Variants in DMD observed in about 807,000 individuals in gnomAD.
DMD encodes mutant dystrophin.
In DMD, 63 loss-of-function variants were observed where a neutral mutation model predicts 330.1. That is an observed-to-expected ratio of 0.19 (90% confidence interval 0.16 to 0.24). DMD has a LOEUF of 0.24. Among genes scored for constraint, DMD ranks in the 10% least tolerant of loss-of-function variants. The pLI is 1.00. For missense variants in DMD, 3,344 were observed against 2,684.1 expected, an observed-to-expected ratio of 1.25 and a Z score of -5.43; for synonymous variants, 1,223 against 959.8, an observed-to-expected ratio of 1.27 and a Z score of -5.07.
intron 55 of DMD, among the ~76,000 whole-genome samples, chrX:31,522,152 T>G (rs1379369197): frequency 9.2e-6 from 1 of 108,153 alleles, no homozygotes. Context: ...TCTTGAGGGA[T>G]GAGTAGCAGC....
intron 2 of DMD, among the ~76,000 whole-genome samples, chrX:32,940,072 C>G (rs781747323): frequency 6.5e-4 from 72 of 111,343 alleles, no homozygotes; most frequent in Non-Finnish European, 1.1e-3. Context: ...AAAAGTAATC[C>G]TAAGGAAAAA....
intron 1 of DMD, among the ~76,000 whole-genome samples, chrX:33,296,714 A>C (rs2053589686): frequency 9.0e-6 from 1 of 111,101 alleles, no homozygotes; most frequent in South Asian, 3.7e-4. Context: ...ATGTATAATA[A>C]TCAGAAATAT....
intron 55 of DMD, among the ~76,000 whole-genome samples, chrX:31,576,573 AT>A (rs970549632): frequency 9.1e-6 from 1 of 110,265 alleles, no homozygotes; most frequent in African/African-American, 3.3e-5. Context: ...CCCAAGTCTC[AT>A]TTCTTACTAG....
At chrX:32,830,318 C>T (rs1344650776) in intron 4 of DMD, among the ~76,000 whole-genome samples, 1 of 110,981 alleles carries the variant, frequency 9.0e-6, no homozygotes, top group Non-Finnish European at 1.9e-5. Flanking sequence ...AATACACATT[C>T]CAGAATTATG....
chrX:33,321,454 A>G (rs1232798135), intron 1 of DMD, among the ~76,000 whole-genome samples: 2 of 111,450 alleles, frequency 1.8e-5, no homozygotes, highest in Admixed American at 9.6e-5. Context: ...TTTTCTGAGC[A>G]CAAGGTCTCA....
intron 44 of DMD, among the ~76,000 whole-genome samples, chrX:31,972,411 A>T (rs1363180541): frequency 8.9e-6 from 1 of 111,874 alleles, no homozygotes. Context: ...ATTTTTTTAA[A>T]AGTCTATTTG....
chrX:33,139,882 A>T (rs1052940809), intron 1 of DMD, among the ~76,000 whole-genome samples: 3 of 108,233 alleles, frequency 2.8e-5, no homozygotes, highest in East Asian at 5.7e-4. Context: ...AAAAAAAAAA[A>T]AAAAAAAAAA....
intron 44 of DMD, among the ~76,000 whole-genome samples, chrX:31,996,983 T>A (rs2095591672): frequency 9.0e-6 from 1 of 111,429 alleles, no homozygotes; most frequent in South Asian, 3.7e-4. Context: ...AAACTGTATA[T>A]CTTCCATTCC....
At chrX:31,683,632 T>C (rs915477564) in intron 52 of DMD, among the ~76,000 whole-genome samples, 2 of 111,975 alleles carry the variant, frequency 1.8e-5, no homozygotes, top group African/African-American at 6.5e-5. Context: ...AACACCGGGC[T>C]GGGAATGGAC....
At chrX:31,709,821 T>G (rs2084497480) in intron 52 of DMD, among the ~76,000 whole-genome samples, 1 of 111,744 alleles carries the variant, frequency 8.9e-6, no homozygotes, top group Non-Finnish European at 1.9e-5. Flanking sequence ...GTCTATGCAC[T>G]TATCTGTATC....
intron 55 of DMD, among the ~76,000 whole-genome samples, chrX:31,521,222 G>A (rs1280612707): frequency 9.5e-6 from 1 of 105,215 alleles, no homozygotes; most frequent in African/African-American, 3.5e-5. Context: ...GCAATGGTGT[G>A]ATCTCGGCTC....
At chrX:32,067,131 G>A (rs1294894839) in intron 44 of DMD, among the ~76,000 whole-genome samples, 1 of 111,017 alleles carries the variant, frequency 9.0e-6, no homozygotes, top group Non-Finnish European at 1.9e-5. Context: ...GACAAAGAAT[G>A]TTTTTATCTT....
chrX:32,108,402 T>C (rs1002728935), intron 44 of DMD, among the ~76,000 whole-genome samples: 6 of 112,138 alleles, frequency 5.4e-5, no homozygotes, highest in African/African-American at 1.9e-4. Context: ...TTCTCATGGA[T>C]AGAATGCAAT....
At chrX:31,988,087 T>C (rs768386785) in intron 44 of DMD, among the ~76,000 whole-genome samples, 1 of 111,709 alleles carries the variant, frequency 9.0e-6, no homozygotes, top group South Asian at 3.8e-4. Context: ...TTTTGACTCC[T>C]GAAATGTTAT....
chrX:32,170,789 C>A (rs1451385757), intron 44 of DMD, among the ~76,000 whole-genome samples: 1 of 110,599 alleles, frequency 9.0e-6, no homozygotes, highest in Admixed American at 9.8e-5. Context: ...ACCAGTAACA[C>A]TCCTGCAATT....
chrX:32,140,896 C>G (rs1207535081), intron 44 of DMD, among the ~76,000 whole-genome samples: 1 of 111,127 alleles, frequency 9.0e-6, no homozygotes, highest in African/African-American at 3.3e-5. Context: ...TGGGTGGGGA[C>G]ACAGCCAAAC....
intron 44 of DMD, among the ~76,000 whole-genome samples, chrX:32,207,409 A>G (rs762252849): frequency 1.8e-5 from 2 of 111,878 alleles, no homozygotes; most frequent in African/African-American, 3.2e-5. Context: ...CCTAGTCTCC[A>G]GAACTGTGAG....
chrX:32,744,484 C>A (rs1462571355), intron 7 of DMD, among the ~76,000 whole-genome samples: 1 of 111,179 alleles, frequency 9.0e-6, no homozygotes, highest in African/African-American at 3.3e-5. Context: ...TCTGCTCAAA[C>A]CTCCTTTTTA....
intron 2 of DMD, among the ~76,000 whole-genome samples, chrX:32,862,174 A>G (rs939066309): frequency 1.8e-5 from 2 of 112,284 alleles, no homozygotes; most frequent in African/African-American, 6.5e-5. Context: ...TCATCAAGAA[A>G]AAGCCAAGTT....
Sources: gnomAD v4.1 joint callset for allele counts (sites outside exome capture counted in the v4.1 genomes callset) on GRCh38, gnomAD v4.1.1 for gene constraint, MANE v1.5 for transcripts, NCBI Gene and HGNC (gene_info 2026-07-23, HGNC 2026-07-21) for gene names.